The following SLC24A3 variants were observed in gnomAD, a reference collection of about 807,000 sequenced individuals.
SLC24A3 encodes sodium/potassium/calcium exchanger 3.
A neutral mutation model predicts 75.8 loss-of-function variants in SLC24A3; 28 were observed. The observed-to-expected ratio is 0.37, with a 90% CI of 0.27 to 0.51. SLC24A3 has a LOEUF of 0.51. Ranked by LOEUF, SLC24A3 falls within the 20% of genes least tolerant of loss-of-function variation. SLC24A3 has a pLI of 0.94. For synonymous variants in SLC24A3, 372 were observed against 334.1 expected (o/e 1.11, Z -1.24); for missense variants, 663 against 847.8 (o/e 0.78, Z 2.71).
intron 2 of SLC24A3, among the ~76,000 whole-genome samples, chr20:19,460,446 C>G (rs936308400): frequency 6.6e-6 from 1 of 151,568 alleles, no homozygotes; most frequent in African/African-American, 2.4e-5. Flanking sequence ...GCAGGATTCT[C>G]TCACAGCTGA....
At chr20:19,628,144 C>T (rs2031888045) in intron 6 of SLC24A3, among the ~76,000 whole-genome samples, 2 of 136,912 alleles carry the variant, frequency 1.5e-5, no homozygotes, top group Non-Finnish European at 3.0e-5. Flanking sequence ...GCGGAGGTTG[C>T]AGTGAGCTGA....
chr20:19,354,121 C>T (rs1985629600), intron 2 of SLC24A3, among the ~76,000 whole-genome samples: 1 of 152,158 alleles, frequency 6.6e-6, no homozygotes, highest in South Asian at 2.1e-4. Flanking sequence ...TCAATAGTTT[C>T]AAAGAATGCA....
At chr20:19,339,680 G>T (rs896738374) in intron 2 of SLC24A3, among the ~76,000 whole-genome samples, 1 of 152,216 alleles carries the variant, frequency 6.6e-6, no homozygotes, top group African/African-American at 2.4e-5. Context: ...AGTTTGCCAA[G>T]ACTTGGGGGC....
intron 1 of SLC24A3, among the ~76,000 whole-genome samples, chr20:19,278,289 A>T (rs79766520): frequency 6.6e-6 from 1 of 152,134 alleles, no homozygotes; most frequent in Non-Finnish European, 1.5e-5. Context: ...ATCCAGAGAG[A>T]TCAGTTTCTA....
At chr20:19,539,065 G>T (rs2030451162) in intron 3 of SLC24A3, among the ~76,000 whole-genome samples, 1 of 152,248 alleles carries the variant, frequency 6.6e-6, no homozygotes, top group African/African-American at 2.4e-5. Context: ...CTAGTCAGTG[G>T]TGATAGAAGT....
At chr20:19,405,762 A>G (rs1600467749) in intron 2 of SLC24A3, among the ~76,000 whole-genome samples, 1 of 152,216 alleles carries the variant, frequency 6.6e-6, no homozygotes, top group African/African-American at 2.4e-5. Context: ...TATTTCTACA[A>G]AGGATAATTA....
intron 1 of SLC24A3, among the ~76,000 whole-genome samples, chr20:19,240,250 T>C (rs1240431723): frequency 6.6e-6 from 1 of 152,210 alleles, no homozygotes; most frequent in Non-Finnish European, 1.5e-5. Context: ...TGTCTGAAAC[T>C]AGAGGCTCGT....
chr20:19,486,971 G>A (rs1250816267), intron 2 of SLC24A3, among the ~76,000 whole-genome samples: 2 of 152,198 alleles, frequency 1.3e-5, no homozygotes, highest in African/African-American at 4.8e-5. Flanking sequence ...GCAGTTAGAG[G>A]TACAGACATT....
At chr20:19,662,251 G>A (rs535515238) in intron 7 of SLC24A3, among the ~76,000 whole-genome samples, 2 of 152,294 alleles carry the variant, frequency 1.3e-5, no homozygotes, top group East Asian at 1.9e-4. Context: ...AGAGAAGAAC[G>A]CTTACCCAAG....
At position 19,280,858 on chromosome 20, in the gene SLC24A3, G is replaced by A; in HGVS notation, c.143-101G>A. 3.4e-6 allele frequency: 5 copies of A among 1,485,836 alleles called. No individual in the cohort carries two copies. The South Asian group carries it at 6.7e-5, about 20-fold the overall frequency. 92.0% of individuals were successfully genotyped at this position (1,485,836 alleles called of 1,614,324 possible). On this transcript the variant is annotated intron_variant, in intron 1 of 16. Coordinates refer to ENST00000328041, the MANE Select transcript of SLC24A3 (RefSeq NM_020689.4). ...CAGAGTGGCTGGGGGTGCAGGCGGG[G>A]CTGAACAAGTGATGGCTGATCAGGG...
rs544017197 is a variant in SLC24A3, at chr20:19,260,692, G to A, written c.143-20267G>A. The stretch of plus-strand genomic sequence containing the variant: ...TATAGAAGAGCGTGTTTGGTTTACT[G>A]CTTCCCAAAAAAGATTGAGGCTATG... On this transcript the variant is annotated intron_variant, in intron 1 of 16. Transcript: ENST00000328041. 3.3e-5 allele frequency among the ~76,000 whole-genome samples: 5 copies of A among 152,302 alleles called. No homozygotes were observed. The East Asian group carries it at 9.7e-4, about 29-fold the overall frequency.
At chr20:19,547,528 A>G (rs974470956) in intron 3 of SLC24A3, among the ~76,000 whole-genome samples, 3 of 152,250 alleles carry the variant, frequency 2.0e-5, no homozygotes, top group African/African-American at 7.2e-5. Context: ...ATTTTGTGAT[A>G]TGTAAATTAT....
At chr20:19,344,447 C>T (rs772493362) in intron 2 of SLC24A3, among the ~76,000 whole-genome samples, 13 of 152,132 alleles carry the variant, frequency 8.5e-5, no homozygotes, top group Non-Finnish European at 1.8e-4. Context: ...CTGAGACTAG[C>T]ATTTAAATTC....
chr20:19,350,801 C>T (rs996913979), intron 2 of SLC24A3, among the ~76,000 whole-genome samples: 8 of 152,172 alleles, frequency 5.3e-5, no homozygotes, highest in Non-Finnish European at 1.2e-4. Flanking sequence ...TCTTGAGTTC[C>T]ATGGGTTGTG....
At chr20:19,270,713 A>T (rs930170483) in intron 1 of SLC24A3, among the ~76,000 whole-genome samples, 23 of 152,112 alleles carry the variant, frequency 1.5e-4, no homozygotes, top group African/African-American at 5.6e-4. Flanking sequence ...AACATTCCAT[A>T]CTTTGTAAGA....
intron 2 of SLC24A3, among the ~76,000 whole-genome samples, chr20:19,408,078 T>A (rs1986680196): frequency 6.6e-6 from 1 of 152,166 alleles, no homozygotes; most frequent in Non-Finnish European, 1.5e-5. Flanking sequence ...CTCAATAAAA[T>A]GTGGGAATAA....
intron 2 of SLC24A3, among the ~76,000 whole-genome samples, chr20:19,363,220 G>C (rs1015998672): frequency 2.6e-5 from 4 of 152,218 alleles, no homozygotes; most frequent in Non-Finnish European, 5.9e-5. Context: ...TGGATCAGTA[G>C]GGCAACAATG....
intron 1 of SLC24A3, 61 bp downstream of exon 1, chr20:19,213,045 G>A (rs1981450847): frequency 4.3e-6 from 5 of 1,154,824 alleles, no homozygotes. Flanking sequence ...GGGCTCCCGG[G>A]GCTGGGCGCG....
chr20:19,279,117 C>T (rs569343673), intron 1 of SLC24A3, among the ~76,000 whole-genome samples: 1 of 152,296 alleles, frequency 6.6e-6, no homozygotes, highest in African/African-American at 2.4e-5. Flanking sequence ...AATTCAGTAA[C>T]GAAGGAGAAA....
Sources: allele counts gnomAD v4.1 joint callset (sites outside exome capture counted in the v4.1 genomes callset), GRCh38; gene constraint gnomAD v4.1.1; transcripts MANE v1.5; gene names NCBI Gene and HGNC (gene_info 2026-07-23, HGNC 2026-07-21).